The following FRMD4A variants were observed in gnomAD, a reference collection of about 807,000 sequenced individuals.
The protein encoded by FRMD4A is FERM domain-containing protein 4A.
A neutral mutation model predicts 129.1 loss-of-function variants in FRMD4A; 29 were observed. The observed-to-expected ratio is 0.22, with a 90% confidence interval of 0.17 to 0.31. The LOEUF (loss-of-function observed/expected upper bound fraction) is 0.31, where lower values mean the gene tolerates loss of function less well. Ranked by LOEUF, FRMD4A falls within the 10% of genes least tolerant of loss-of-function variation. The pLI, the probability that FRMD4A is intolerant of heterozygous loss-of-function variation, is 1.00. For synonymous variants in FRMD4A, 634 were observed against 571.6 expected (o/e 1.11, Z -1.56); for missense variants, 1,272 against 1,375.8 (o/e 0.92, Z 1.19).
At chr10:14,039,383 C>CTATCT (rs1833663035) in intron 2 of FRMD4A, among the ~76,000 whole-genome samples, 1 of 113,482 alleles carries the variant, frequency 8.8e-6, no homozygotes, top group African/African-American at 4.2e-5. Context: ...TCCATCCATC[C>CTATCT]ATCCATCCAT....
intron 2 of FRMD4A, among the ~76,000 whole-genome samples, chr10:13,964,992 C>A (rs2095476207): frequency 2.0e-5 from 3 of 152,006 alleles, no homozygotes; most frequent in Admixed American, 2.0e-4. Context: ...CCAACTAATG[C>A]CTCTTCCTAT....
chr10:14,199,487 T>G lies in FRMD4A; in HGVS notation c.45+130571A>C, dbSNP rs915366817. ...TCACTGCAATCTCCACCTCCCGGGCTCAAGCAATTCTCCTGTCTCAGCCTC... is the reference window on the plus strand; with the variant it reads ...TCACTGCAATCTCCACCTCCCGGGCGCAAGCAATTCTCCTGTCTCAGCCTC... On this transcript the variant is annotated intron_variant, in intron 2 of 24. Coordinates refer to ENST00000357447, the MANE Select transcript of FRMD4A (RefSeq NM_018027.5). Among the ~76,000 whole-genome samples the G allele has an allele frequency of 1.3e-5, 2 of 151,380 alleles. 1 individual carries two copies. The highest frequency in any genetic ancestry group is 4.2e-4 in the South Asian group (2 of 4,788).
At chr10:13,850,396 G>A (rs989196291) in intron 3 of FRMD4A, among the ~76,000 whole-genome samples, 3 of 152,074 alleles carry the variant, frequency 2.0e-5, no homozygotes, top group African/African-American at 2.4e-5. Context: ...CACCAGCATC[G>A]CTGTCAGACA....
chr10:14,317,800 G>GA (rs1286754599), intron 2 of FRMD4A, among the ~76,000 whole-genome samples: 3 of 150,516 alleles, frequency 2.0e-5, no homozygotes, highest in East Asian at 1.9e-4. Flanking sequence ...TTCTTCTTGG[G>GA]AAAAAAGAAG....
At chr10:13,739,396 T>C (rs951547460) in intron 11 of FRMD4A, among the ~76,000 whole-genome samples, 2 of 152,192 alleles carry the variant, frequency 1.3e-5, no homozygotes, top group Admixed American at 6.5e-5. Context: ...CCATAAAACA[T>C]GGCATCAGTG....
intron 3 of FRMD4A, among the ~76,000 whole-genome samples, chr10:13,838,898 T>G: frequency 6.6e-6 from 1 of 152,004 alleles, no homozygotes; most frequent in East Asian, 1.9e-4. Context: ...AATACTGACC[T>G]TAACCAGGAC....
In FRMD4A at chr10:14,099,422, CT is replaced by C. The variant is rs1837179914; in HGVS notation, c.45+230635del. Among the ~76,000 whole-genome samples the C allele has an allele frequency of 6.6e-5, 10 of 152,338 alleles. No homozygotes were observed. In the South Asian group the frequency reaches 2.1e-3, roughly 32 times the overall value. ...CTCAAACACTATGTGGCAAATCCTG[CT>C]TTAAGTGTGTACGTGCATAGCCATC... On this transcript the variant is annotated intron_variant, in intron 2 of 24. Coordinates refer to ENST00000357447, the MANE Select transcript of FRMD4A (RefSeq NM_018027.5).
Position 14,155,002 on chromosome 10 carries a change from T to G in FRMD4A, c.45+175056A>C, listed in dbSNP as rs972064244. Among the ~76,000 whole-genome samples, 7 of 152,306 alleles carry G rather than the reference T, an allele frequency of 4.6e-5. No homozygotes were observed. The East Asian group carries it at 7.7e-4, about 17-fold the overall frequency. Reference sequence around the variant, plus strand: ...CTTATACTCTTTGTGTCTTTAAGATTATTGTGGACTGCATGTGGTGGCTCA... The same window carrying G: ...CTTATACTCTTTGTGTCTTTAAGATGATTGTGGACTGCATGTGGTGGCTCA... On this transcript the variant is annotated intron_variant, in intron 2 of 24. Coordinates refer to ENST00000357447, the MANE Select transcript of FRMD4A (RefSeq NM_018027.5).
At chr10:14,028,365 T>C (rs1267216345) in intron 2 of FRMD4A, among the ~76,000 whole-genome samples, 1 of 152,164 alleles carries the variant, frequency 6.6e-6, no homozygotes, top group Non-Finnish European at 1.5e-5. Flanking sequence ...CATTATTTTT[T>C]CTTGGGAAAT....
chr10:13,705,876 CT>C (rs2087376201), intron 13 of FRMD4A, among the ~76,000 whole-genome samples: 1 of 152,248 alleles, frequency 6.6e-6, no homozygotes, highest in African/African-American at 2.4e-5. Context: ...CTGAGATAAG[CT>C]CTTGCCCTAC....
chr10:13,704,935 G>A (rs1312478725), intron 13 of FRMD4A, among the ~76,000 whole-genome samples: 1 of 152,126 alleles, frequency 6.6e-6, no homozygotes, highest in Admixed American at 6.5e-5. Context: ...GGGTACGGTG[G>A]TGTGTACCTA....
chr10:13,655,699 G>A (rs575837796), intron 22 of FRMD4A: 31 of 152,238 alleles, frequency 2.0e-4, no homozygotes, highest in African/African-American at 6.7e-4. Context: ...AGGTCACTCT[G>A]TTTCCCCCGA....
chr10:14,108,983 T>C (rs1837728768), intron 2 of FRMD4A, among the ~76,000 whole-genome samples: 1 of 152,150 alleles, frequency 6.6e-6, no homozygotes, highest in Non-Finnish European at 1.5e-5. Context: ...ATTGATAAGG[T>C]CACCCATTTT....
In FRMD4A at chr10:14,318,137, A is replaced by T. The variant is rs550971190; in HGVS notation, c.45+11921T>A. ...TAGTTGTAATGGCCTAACGTAAAGCATTCCTGAACAATATTAATGACCAAC... is the reference window on the plus strand; with the variant it reads ...TAGTTGTAATGGCCTAACGTAAAGCTTTCCTGAACAATATTAATGACCAAC... On this transcript the variant is annotated intron_variant, in intron 2 of 24. Transcript: ENST00000357447. Among the ~76,000 whole-genome samples, 84 of 152,310 alleles carry T rather than the reference A, an allele frequency of 5.5e-4. 2 individuals are homozygous for T. In the South Asian group the frequency reaches 0.017, roughly 31 times the overall value.
At position 14,186,232 on chromosome 10, in the gene FRMD4A, A is replaced by G. The variant is rs570803174; in HGVS notation, c.45+143826T>C. Reference sequence around the variant, plus strand: ...AACAGGCTACAATTGGTTGGAATCAATATGACCAACCAGAGCCTGTACAGA... The same window carrying G: ...AACAGGCTACAATTGGTTGGAATCAGTATGACCAACCAGAGCCTGTACAGA... On this transcript the variant is annotated intron_variant, in intron 2 of 24. Coordinates refer to ENST00000357447, the MANE Select transcript of FRMD4A (RefSeq NM_018027.5). Among the ~76,000 whole-genome samples, 14 of 152,302 alleles carry G rather than the reference A, an allele frequency of 9.2e-5. No individual in the cohort carries two copies. In the East Asian group the frequency reaches 2.7e-3, roughly 29 times the overall value.
At chr10:14,226,233 C>T (rs375915250) in intron 2 of FRMD4A, among the ~76,000 whole-genome samples, 7 of 152,212 alleles carry the variant, frequency 4.6e-5, no homozygotes, top group Admixed American at 1.3e-4. Flanking sequence ...TTTTAAGCCC[C>T]GCATGTTTTC....
At chr10:13,964,872 G>C (rs901454998) in intron 2 of FRMD4A, among the ~76,000 whole-genome samples, 65 of 151,952 alleles carry the variant, frequency 4.3e-4, no homozygotes, top group Non-Finnish European at 8.5e-4. Context: ...TTTTAGTAGA[G>C]ATGGGGTTTC....
intron 2 of FRMD4A, among the ~76,000 whole-genome samples, chr10:13,897,268 T>G (rs2698136): frequency 6.6e-6 from 1 of 152,182 alleles, no homozygotes; most frequent in Non-Finnish European, 1.5e-5. Context: ...CTGTCCTTGC[T>G]GGAGAAGAAA....
At chr10:13,760,572 T>C (rs2092030026) in intron 8 of FRMD4A, among the ~76,000 whole-genome samples, 1 of 151,854 alleles carries the variant, frequency 6.6e-6, no homozygotes, top group Non-Finnish European at 1.5e-5. Flanking sequence ...GAAGTGTACA[T>C]GGAGAGCAAG....
Sources: gnomAD v4.1 joint callset for allele counts (sites outside exome capture counted in the v4.1 genomes callset) on GRCh38, gnomAD v4.1.1 for gene constraint, MANE v1.5 for transcripts, NCBI Gene and HGNC (gene_info 2026-07-23, HGNC 2026-07-21) for gene names.